Variants in ZNF804A observed in about 807,000 individuals in gnomAD.
The protein encoded by ZNF804A is zinc finger protein 804A.
In ZNF804A, 2 loss-of-function variants were observed where a neutral mutation model predicts 16.5. The observed-to-expected ratio is 0.12, with a 90% CI of 0.05 to 0.38. ZNF804A has a LOEUF of 0.38. Ranked by LOEUF, ZNF804A falls within the 10% of genes least tolerant of loss-of-function variation. ZNF804A has a pLI of 0.99. For missense variants in ZNF804A, 1,473 were observed against 1,390.7 expected (o/e 1.06, Z -0.94); for synonymous variants, 534 against 489.6 (o/e 1.09, Z -1.20).
intron 1 of ZNF804A, among the ~76,000 whole-genome samples, chr2:184,758,669 T>TTTTGGTTC: frequency 2.0e-5 from 3 of 151,972 alleles, no homozygotes; most frequent in Non-Finnish European, 4.4e-5. Context: ...TTTGAACCTT[T>TTTTGGTTC]AAACAGTGGA....
intron 1 of ZNF804A, among the ~76,000 whole-genome samples, chr2:184,729,045 G>A (rs1693468902): frequency 1.3e-5 from 2 of 151,818 alleles, no homozygotes; most frequent in East Asian, 3.9e-4. Flanking sequence ...GAGGGTTAAG[G>A]GATTGGGGAG....
At chr2:184,627,016 A>G (rs186105610) in intron 1 of ZNF804A, among the ~76,000 whole-genome samples, 11 of 152,302 alleles carry the variant, frequency 7.2e-5, no homozygotes, top group African/African-American at 2.4e-4. Flanking sequence ...TCTAAACGAA[A>G]TTTCTTGCAG....
At chr2:184,913,028 C>A (rs1455370804) in intron 2 of ZNF804A, among the ~76,000 whole-genome samples, 1 of 151,964 alleles carries the variant, frequency 6.6e-6, no homozygotes, top group East Asian at 1.9e-4. Flanking sequence ...GAAGATTTAG[C>A]CCTATAATCA....
At chr2:184,890,735 A>G (rs1356554200) in intron 2 of ZNF804A, among the ~76,000 whole-genome samples, 2 of 151,632 alleles carry the variant, frequency 1.3e-5, no homozygotes, top group Non-Finnish European at 2.9e-5. Context: ...TCCAAAATTA[A>G]TTATTCCTTA....
chr2:184,912,020 C>T (rs1396858461), intron 2 of ZNF804A, among the ~76,000 whole-genome samples: 4 of 151,760 alleles, frequency 2.6e-5, no homozygotes, highest in Non-Finnish European at 4.4e-5. Flanking sequence ...ATGAAATTCA[C>T]CAAAAAATTC....
At chr2:184,678,697 A>G (rs993909640) in intron 1 of ZNF804A, among the ~76,000 whole-genome samples, 9 of 152,170 alleles carry the variant, frequency 5.9e-5, no homozygotes, top group Non-Finnish European at 1.3e-4. Flanking sequence ...AGCCCACCTC[A>G]AAAGCCAAGG....
intron 1 of ZNF804A, among the ~76,000 whole-genome samples, chr2:184,758,984 A>C (rs1286625399): frequency 6.6e-6 from 1 of 151,842 alleles, no homozygotes; most frequent in Non-Finnish European, 1.5e-5. Flanking sequence ...AGACACATAC[A>C]CACATTATTA....
At chr2:184,707,873 C>T (rs1264511120) in intron 1 of ZNF804A, among the ~76,000 whole-genome samples, 2 of 152,094 alleles carry the variant, frequency 1.3e-5, no homozygotes, top group African/African-American at 4.8e-5. Context: ...AACTGCTTTC[C>T]ACAGTGGCTG....
intron 1 of ZNF804A, among the ~76,000 whole-genome samples, chr2:184,608,672 C>A (rs1444610027): frequency 3.9e-5 from 6 of 152,222 alleles, no homozygotes; most frequent in East Asian, 1.9e-4. Context: ...AGCTCCTACC[C>A]ATCAGTTATT....
intron 1 of ZNF804A, among the ~76,000 whole-genome samples, chr2:184,610,298 G>C: frequency 6.6e-6 from 1 of 152,274 alleles, no homozygotes; most frequent in East Asian, 1.9e-4. Context: ...CCAGTGTCAA[G>C]TATTCTTTTA....
chr2:184,736,704 T>TA (rs111537477), intron 1 of ZNF804A, among the ~76,000 whole-genome samples: 50,837 of 151,790 alleles, frequency 0.33, 11,861 homozygotes, highest in African/African-American at 0.67. Context: ...GAACTTAAAT[T>TA]AAAAAAAGAA....
chr2:184,785,350 G>A (rs1489605244), intron 1 of ZNF804A, among the ~76,000 whole-genome samples: 1 of 152,012 alleles, frequency 6.6e-6, no homozygotes, highest in African/African-American at 2.4e-5. Flanking sequence ...GTGCTTAAGT[G>A]CAATTAATGT....
chr2:184,749,864 A>G (rs1033829787), intron 1 of ZNF804A, among the ~76,000 whole-genome samples: 1 of 151,282 alleles, frequency 6.6e-6, no homozygotes, highest in African/African-American at 2.4e-5. Flanking sequence ...ATTCTCACTC[A>G]TTGATTACTT....
chr2:184,840,987 A>G (rs931878917), intron 1 of ZNF804A, among the ~76,000 whole-genome samples: 1 of 152,128 alleles, frequency 6.6e-6, no homozygotes, highest in Non-Finnish European at 1.5e-5. Flanking sequence ...CAAGCGAACA[A>G]TGGAAATTCA....
intron 1 of ZNF804A, among the ~76,000 whole-genome samples, chr2:184,783,591 C>G (rs897396035): frequency 1.6e-4 from 25 of 151,988 alleles, no homozygotes; most frequent in African/African-American, 6.0e-4. Context: ...GGCACTTCTT[C>G]TGTTGTTTTG....
In ZNF804A at chr2:184,705,315, C is replaced by G. The variant is rs1693004406; in HGVS notation, c.111+106245C>G. On this transcript the variant is annotated intron_variant, in intron 1 of 3. Coordinates refer to ENST00000302277, the MANE Select transcript of ZNF804A (RefSeq NM_194250.2). ...ATTTGGAATAGGAAGAAAGGAGTGA[C>G]TATGAAAAGGTACAGGCAAAATAAA... Among the ~76,000 whole-genome samples, 3 of 152,052 alleles carry G rather than the reference C, an allele frequency of 2.0e-5. No homozygotes were observed. In the South Asian group the frequency reaches 6.2e-4, roughly 32 times the overall value.
At chr2:184,683,421 T>C (rs1692574035) in intron 1 of ZNF804A, among the ~76,000 whole-genome samples, 1 of 152,230 alleles carries the variant, frequency 6.6e-6, no homozygotes, top group Admixed American at 6.5e-5. Flanking sequence ...ATGCAACATA[T>C]TCTTAATGTT....
chr2:184,901,790 T>C (rs1685185822), intron 2 of ZNF804A, among the ~76,000 whole-genome samples: 1 of 152,088 alleles, frequency 6.6e-6, no homozygotes, highest in Non-Finnish European at 1.5e-5. Context: ...GTTTTGCTAA[T>C]TATAAACCTT....
At chr2:184,866,598 A>G (rs1397558374) in intron 2 of ZNF804A, 86 bp downstream of exon 2, 2 of 1,126,574 alleles carry the variant, frequency 1.8e-6, no homozygotes, top group South Asian at 2.1e-5. Flanking sequence ...ATGATATGAT[A>G]TTCTTATTTA....
Sources: allele counts gnomAD v4.1 joint callset (sites outside exome capture counted in the v4.1 genomes callset), GRCh38; gene constraint gnomAD v4.1.1; transcripts MANE v1.5; gene names NCBI Gene and HGNC (gene_info 2026-07-23, HGNC 2026-07-21).